CDK12: variants seen among roughly 807,000 people sequenced by gnomAD.
CDK12 encodes cyclin-dependent kinase 12.
CDK12 carries 17 observed loss-of-function variants against 133.8 expected under a neutral mutation model. The ratio of observed to expected loss-of-function variants is 0.13; its 90% CI spans 0.09 to 0.19. The LOEUF (loss-of-function observed/expected upper bound fraction) is 0.19, where lower values mean the gene tolerates loss of function less well. CDK12 is among the 10% of genes least tolerant of loss of function. The pLI is 1.00. For synonymous variants in CDK12, 694 were observed against 683.6 expected, an observed-to-expected ratio of 1.02 and a Z score of -0.24; for missense variants, 1,508 against 1,818.7, an observed-to-expected ratio of 0.83 and a Z score of 3.11.
At chr17:39,562,902 C>CTTT (rs59852699) in intron 3 of CDK12, among the ~76,000 whole-genome samples, 2 of 92,366 alleles carry the variant, frequency 2.2e-5, no homozygotes, top group African/African-American at 7.7e-5. Flanking sequence ...TTTTTCTTTT[C>CTTT]TTTTTTTTTT....
intron 11 of CDK12, among the ~76,000 whole-genome samples, chr17:39,523,447 G>A (rs752969839): frequency 5.3e-5 from 8 of 152,082 alleles, no homozygotes; most frequent in Non-Finnish European, 1.2e-4. Flanking sequence ...CTGCACTCTA[G>A]CCTGGGCAAC....
intron 4 of CDK12, among the ~76,000 whole-genome samples, chr17:39,494,138 A>G (rs940403224): frequency 4.0e-5 from 6 of 151,688 alleles, no homozygotes; most frequent in African/African-American, 1.2e-4. Flanking sequence ...GCTCACTGCA[A>G]CCTCTGCTCA....
chr17:39,534,251 C>G lies in CDK12; in HGVS notation c.*2935C>G. On this transcript the variant is annotated 3_prime_UTR_variant, in exon 14 of 14. Coordinates refer to ENST00000447079, the MANE Select transcript of CDK12 (RefSeq NM_016507.4). The stretch of plus-strand genomic sequence containing the variant: ...AACTTCTATTAGCTTATGCCATAGA[C>G]ATCACCCAACCACTTGTATGTGTGT... The G allele has an allele frequency of 4.3e-6, 1 of 232,974 alleles. No homozygotes were observed. Among genetic ancestry groups the G allele is most frequent in the Non-Finnish European group, 8.5e-6 (1 of 117,808 alleles). 14.4% of individuals were successfully genotyped at this position (232,974 alleles called of 1,614,324 possible).
chr17:39,475,141 G>A (rs1308238071), intron 2 of CDK12, among the ~76,000 whole-genome samples: 1 of 151,918 alleles, frequency 6.6e-6, no homozygotes, highest in Non-Finnish European at 1.5e-5. Flanking sequence ...AACCCAAAAT[G>A]TGATTTTAAA....
chr17:39,490,277 G>A (rs1023830199), intron 2 of CDK12, among the ~76,000 whole-genome samples: 1 of 151,668 alleles, frequency 6.6e-6, no homozygotes, highest in African/African-American at 2.4e-5. Context: ...TGAGGTAGGA[G>A]AATCACTTGA....
upstream of CDK12, chr17:39,544,240 C>T: frequency 2.1e-6 from 1 of 484,512 alleles, no homozygotes. Flanking sequence ...CTGCCATTTT[C>T]CTTTACAGGT....
Position 39,525,871 on chromosome 17 carries a change from T to C in CDK12, c.3315T>C (p.Ala1105=), listed in dbSNP as rs112487807. 12 of 1,613,468 alleles carry C rather than the reference T, an allele frequency of 7.4e-6. No homozygotes were observed. The African/African-American group carries it at 9.3e-5, about 13-fold the overall frequency. ...TTCACTGTCTTTCAACAGGCCTTGCTGACATCACACAACAGCTGAATCAAA... is the reference window on the plus strand; with the variant it reads ...TTCACTGTCTTTCAACAGGCCTTGCCGACATCACACAACAGCTGAATCAAA... The part of the protein sequence containing the change: ...ESGAGDAIGL[A]DITQQLNQSE... The change falls in exon 13 of 14, where the codon GCT becomes GCC. Residue 1105 remains alanine, a synonymous_variant. Coordinates refer to ENST00000447079, the MANE Select transcript of CDK12 (RefSeq NM_016507.4).
At chr17:39,521,997 G>A (rs1017264346) in intron 11 of CDK12, among the ~76,000 whole-genome samples, 1 of 152,208 alleles carries the variant, frequency 6.6e-6, no homozygotes, top group South Asian at 2.1e-4. Flanking sequence ...CACATGCTTG[G>A]CCTCCCTCTG....
intron 1 of CDK12, among the ~76,000 whole-genome samples, chr17:39,542,029 T>A (rs757010014): frequency 2.0e-5 from 3 of 152,020 alleles, no homozygotes; most frequent in Non-Finnish European, 4.4e-5. Flanking sequence ...AACTTTAAGA[T>A]GACCCTTTCC....
At chr17:39,520,691 T>TTTGTTG (rs35166716) in intron 11 of CDK12, among the ~76,000 whole-genome samples, 543 of 150,124 alleles carry the variant, frequency 3.6e-3, no homozygotes, top group Non-Finnish European at 4.8e-3. Flanking sequence ...CCAGCGTGTT[T>TTTGTTG]TTGTTGTTGT....
chr17:39,539,203 T>C (rs112553581), downstream of CDK12, among the ~76,000 whole-genome samples: 55 of 152,342 alleles, frequency 3.6e-4, 1 homozygote, highest in Middle Eastern at 3.4e-3. Context: ...GGCTCTGGAA[T>C]TGATTTTCAT....
chr17:39,475,704 C>T (rs2050142224), intron 2 of CDK12, among the ~76,000 whole-genome samples: 1 of 151,704 alleles, frequency 6.6e-6, no homozygotes, highest in African/African-American at 2.4e-5. Flanking sequence ...TGCCACCACG[C>T]CCAGCTAATT....
rs879840168 is a variant in CDK12, at chr17:39,476,711, C to CTTTTTTTTTTTTTTTTTTTTTTTTTT, written c.1931+4952_1931+4977dup. Among the ~76,000 whole-genome samples, 17 of 84,522 alleles carry CTTTTTTTTTTTTTTTTTTTTTTTTTT rather than the reference C, an allele frequency of 2.0e-4. 3 individuals are homozygous for CTTTTTTTTTTTTTTTTTTTTTTTTTT. Among genetic ancestry groups the CTTTTTTTTTTTTTTTTTTTTTTTTTT allele is most frequent in the African/African-American group, 6.3e-4 (11 of 17,564 alleles). The allele number at this position is 84,522 out of a possible 152,430, so 55.4% of individuals were successfully genotyped here. On this transcript the variant is annotated intron_variant, in intron 2 of 13. Transcript: ENST00000447079. ...TACAGGCATGAGCCACCATGCCTGC[C>CTTTTTTTTTTTTTTTTTTTTTTTTTT]TTTTTTTTTTTTTTTTTTTTTTTTT...
chr17:39,492,919 C>T, intron 4 of CDK12, 29 bp downstream of exon 4: 1 of 1,572,186 alleles, frequency 6.4e-7, no homozygotes, highest in Non-Finnish European at 8.6e-7. Flanking sequence ...TTTTAGATGT[C>T]AGAATGTTAA....
At chr17:39,553,342 CAG>C (rs780142570) in intron 2 of CDK12, among the ~76,000 whole-genome samples, 3 of 151,966 alleles carry the variant, frequency 2.0e-5, no homozygotes, top group African/African-American at 4.8e-5. Flanking sequence ...AAGGCCAAGA[CAG>C]GGGTAGATAG....
intron 5 of CDK12, among the ~76,000 whole-genome samples, chr17:39,498,917 T>C (rs1465538737): frequency 0.25 from 1 of 4 alleles, no homozygotes; most frequent in Non-Finnish European, 0.5. Context: ...CTTTCTTTCT[T>C]TCTTTCTTTC....
In CDK12 at chr17:39,532,112, C is replaced by CTA. The variant is rs2054893934; in HGVS notation, c.*797_*798insAT. The CTA allele has an allele frequency of 2.3e-5, 4 of 171,830 alleles. No homozygotes were observed. In the East Asian group the frequency reaches 3.7e-4, roughly 16 times the overall value. 10.6% of individuals were successfully genotyped at this position (171,830 alleles called of 1,614,324 possible). A position where few individuals can be genotyped will look rare whatever the true frequency, so the allele number is the denominator to read the frequency against. ...GCTCTCTCTCTCTCTTTCTCTCTCTCTCTCTCTCTCTCTCTCTCTCTCTCT... is the reference window on the plus strand; with the variant it reads ...GCTCTCTCTCTCTCTTTCTCTCTCTCTATCTCTCTCTCTCTCTCTCTCTCTCT... On this transcript the variant is annotated 3_prime_UTR_variant, in exon 14 of 14. Transcript: ENST00000447079.
At chr17:39,521,380 C>A (rs1327720711) in intron 11 of CDK12, among the ~76,000 whole-genome samples, 1 of 151,860 alleles carries the variant, frequency 6.6e-6, no homozygotes, top group Non-Finnish European at 1.5e-5. Flanking sequence ...AAGCAATTCT[C>A]CTGCCTCAGC....
At chr17:39,508,810 C>T (rs2053295220) in intron 6 of CDK12, among the ~76,000 whole-genome samples, 1 of 152,040 alleles carries the variant, frequency 6.6e-6, no homozygotes, top group Admixed American at 6.5e-5. Context: ...GCCTAGGCAA[C>T]ATAGGGGAAC....
Sources: allele counts gnomAD v4.1 joint callset (sites outside exome capture counted in the v4.1 genomes callset), GRCh38; gene constraint gnomAD v4.1.1; transcripts MANE v1.5; gene names NCBI Gene and HGNC (gene_info 2026-07-23, HGNC 2026-07-21).